The following ADCY5 variants were observed in gnomAD, a reference collection of about 807,000 sequenced individuals.
ADCY5 encodes adenylate cyclase 5.
In ADCY5, 30 loss-of-function variants were observed where a neutral mutation model predicts 119.7. That is an observed-to-expected ratio of 0.25 (90% CI 0.19 to 0.34). The LOEUF (loss-of-function observed/expected upper bound fraction) is 0.34. Ranked by LOEUF, ADCY5 falls within the 10% of genes least tolerant of loss-of-function variation. ADCY5 has a pLI of 1.00. For missense variants in ADCY5, 1,324 were observed against 1,775.2 expected (o/e 0.75, Z 4.57); for synonymous variants, 753 against 762.2 (o/e 0.99, Z 0.20).
chr3:123,372,877 T>A lies in ADCY5; in HGVS notation c.1135-20296A>T, dbSNP rs77150018. ...AACGTGTGTCAACTGGTTTTTAAAA[T>A]TTTTTAAAAGAAGGCCACAGCTACA... On this transcript the variant is annotated intron_variant, in intron 1 of 20. Coordinates refer to ENST00000462833, the MANE Select transcript of ADCY5 (RefSeq NM_183357.3). Among the ~76,000 whole-genome samples the A allele has an allele frequency of 7.6e-3, 1,157 of 152,292 alleles. 17 individuals carry two copies. Among genetic ancestry groups the A allele is most frequent in the African/African-American group, 0.027 (1,106 of 41,558 alleles).
rs779214870 is a variant in ADCY5, at chr3:123,319,840, C to T, written c.2112-22G>A. ...GTTCCTGGGGAGCAGAAGGCACGGG[C>T]GTGAGACAGGCTGACCACAGGGGCA... On this transcript the variant is annotated intron_variant, in intron 9 of 20. Transcript: ENST00000462833. The T allele has an allele frequency of 6.8e-6, 11 of 1,608,984 alleles. No homozygotes were observed. In the African/African-American group the frequency reaches 8.0e-5, roughly 12 times the overall value.
Position 123,305,758 on chromosome 3 carries a change from G to A in ADCY5, c.2443-1575C>T, listed in dbSNP as rs991892618. On this transcript the variant is annotated intron_variant, in intron 12 of 20. Transcript: ENST00000462833. ...GTCTTGGGCTTGGGGCTGGCTGTGTGCATAGGGAGGGTGTATATCTTTCTG... is the reference window on the plus strand; with the variant it reads ...GTCTTGGGCTTGGGGCTGGCTGTGTACATAGGGAGGGTGTATATCTTTCTG... Among the ~76,000 whole-genome samples, 3 of 152,218 alleles carry A rather than the reference G, an allele frequency of 2.0e-5. No individual in the cohort carries two copies. In the South Asian group the frequency reaches 6.2e-4, roughly 32 times the overall value.
chr3:123,418,161 C>T (rs1389630065), intron 1 of ADCY5, among the ~76,000 whole-genome samples: 1 of 152,210 alleles, frequency 6.6e-6, no homozygotes, highest in African/African-American at 2.4e-5. Context: ...CAGATCCCAC[C>T]TTACCACCTG....
intron 1 of ADCY5, among the ~76,000 whole-genome samples, chr3:123,439,441 A>G (rs1945685594): frequency 6.6e-6 from 1 of 152,164 alleles, no homozygotes; most frequent in Non-Finnish European, 1.5e-5. Flanking sequence ...TGAGGTTGCT[A>G]AGATCTACGG....
chr3:123,284,579 GGCT>G lies in ADCY5; in HGVS notation c.*26_*28del. ...GCTGCTTCCATGCCTCTGGAGGCCA[GGCT>G]GCCTGGCACCATTGGCCAACAGCTG... On this transcript the variant is annotated 3_prime_UTR_variant, in exon 21 of 21. Transcript: ENST00000462833. 1 of 1,613,354 alleles carries G rather than the reference GGCT, an allele frequency of 6.2e-7. No individual in the cohort carries two copies. Among genetic ancestry groups the G allele is most frequent in the Non-Finnish European group, 8.5e-7 (1 of 1,179,398 alleles).
At chr3:123,398,959 C>T (rs1944680495) in intron 1 of ADCY5, among the ~76,000 whole-genome samples, 3 of 152,166 alleles carry the variant, frequency 2.0e-5, no homozygotes, top group Admixed American at 1.3e-4. Flanking sequence ...TCGAGAATCC[C>T]CTGTTGGACT....
In ADCY5 at chr3:123,304,140, C is replaced by T. The variant is rs755917322; in HGVS notation, c.2486G>A (p.Arg829Gln). The stretch of plus-strand genomic sequence containing the variant: ...AACCAGGGTGCTGTTCATCTTGGAC[C>T]GCACGATCTTCCTGGAGAGGGTCTG... ...PLQTLSRKIV[R>Q]SKMNSTLVGV... Residue 829 changes from arginine to glutamine, a missense_variant, in exon 13 of 21, where the codon CGG (arginine) becomes CAG (glutamine). By Grantham distance (43) the Arg-to-Gln change is conservative. Around this residue, in one of 6 missense-constraint regions of ADCY5, gnomAD observed 424 missense variants for 546.8 expected, o/e 0.78. Transcript: ENST00000462833. 5.9e-5 allele frequency: 95 copies of T among 1,605,902 alleles called. No homozygotes were observed. The highest frequency in any genetic ancestry group is 5.6e-4 in the East Asian group (25 of 44,340).
At chr3:123,296,358 T>G (rs1576534069) in intron 16 of ADCY5, 142 bp from the exon 17 acceptor site, 2 of 1,014,330 alleles carry the variant, frequency 2.0e-6, no homozygotes, top group Non-Finnish European at 2.8e-6. Flanking sequence ...GCTCAAACTT[T>G]GCCGCACGCG....
rs1235480435 is a variant in ADCY5, at chr3:123,283,818, CAAAAT to C, written c.*785_*789del. 6.6e-6 allele frequency: 1 copy of C among 152,074 alleles called. No homozygotes were observed. The highest frequency in any genetic ancestry group is 1.5e-5 in the Non-Finnish European group (1 of 68,016). The allele number at this position is 152,074 out of a possible 1,614,324, so 9.4% of individuals were successfully genotyped here. A position where few individuals can be genotyped will look rare whatever the true frequency, so the allele number is the denominator to read the frequency against. On this transcript the variant is annotated 3_prime_UTR_variant, in exon 21 of 21. Coordinates refer to ENST00000462833, the MANE Select transcript of ADCY5 (RefSeq NM_183357.3). ...GAGATCTCCAAGGCTTTCAATAATA[CAAAAT>C]AAAAAATACAAAAAAGACAAGTGGG... is the stretch of plus-strand genomic sequence containing the variant.
chr3:123,289,401 G>A (rs1179135212), intron 19 of ADCY5, among the ~76,000 whole-genome samples: 3 of 152,204 alleles, frequency 2.0e-5, no homozygotes, highest in East Asian at 1.9e-4. Flanking sequence ...CCATGCCCTC[G>A]GCACAGAGCA....
intron 1 of ADCY5, among the ~76,000 whole-genome samples, chr3:123,378,701 G>A (rs1164352904): frequency 6.6e-6 from 1 of 152,220 alleles, no homozygotes; most frequent in Non-Finnish European, 1.5e-5. Context: ...CAGAGATGTG[G>A]AAGGACTGGC....
intron 1 of ADCY5, among the ~76,000 whole-genome samples, chr3:123,370,859 C>T (rs559830436): frequency 2.0e-5 from 3 of 152,160 alleles, no homozygotes; most frequent in African/African-American, 4.8e-5. Flanking sequence ...CTTCCCACCA[C>T]GTGCTCTGGG....
At chr3:123,322,551 C>G (rs1474689688) in intron 8 of ADCY5, among the ~76,000 whole-genome samples, 1 of 152,138 alleles carries the variant, frequency 6.6e-6, no homozygotes, top group Non-Finnish European at 1.5e-5. Context: ...TAAAACACAA[C>G]AGAGCCGACT....
chr3:123,303,048 C>T lies in ADCY5; in HGVS notation c.2724+7G>A, dbSNP rs998690507. 2 of 1,613,254 alleles carry T rather than the reference C, an allele frequency of 1.2e-6. No individual in the cohort carries two copies. Among genetic ancestry groups the T allele is most frequent in the South Asian group, 1.1e-5 (1 of 90,974 alleles). On this transcript the variant is annotated splice_region_variant and intron_variant, in intron 14 of 20. Coordinates refer to ENST00000462833, the MANE Select transcript of ADCY5 (RefSeq NM_183357.3). ...GCACTCCCTTCCAGCCCCTGTGCAC[C>T]CAGTACCTCGGGGAAGTTGCAGTTG...
intron 1 of ADCY5, among the ~76,000 whole-genome samples, chr3:123,434,256 C>G (rs1945569235): frequency 6.6e-6 from 1 of 152,306 alleles, no homozygotes; most frequent in South Asian, 2.1e-4. Flanking sequence ...CCTCTCGGAG[C>G]CTCTTATTTC....
intron 1 of ADCY5, among the ~76,000 whole-genome samples, chr3:123,391,114 C>A (rs1944389890): frequency 6.6e-6 from 1 of 152,220 alleles, no homozygotes; most frequent in South Asian, 2.1e-4. Context: ...CCCAAACAGA[C>A]TGACCAGGGG....
chr3:123,297,405 C>A, intron 15 of ADCY5, 23 bp from the exon 16 acceptor site: 2 of 1,613,458 alleles, frequency 1.2e-6, no homozygotes, highest in Non-Finnish European at 1.7e-6. Flanking sequence ...TTGGGGAAGA[C>A]TGGTCAGGGC....
intron 19 of ADCY5, among the ~76,000 whole-genome samples, chr3:123,287,970 G>A (rs1340066397): frequency 6.6e-6 from 1 of 152,228 alleles, no homozygotes; most frequent in Non-Finnish European, 1.5e-5. Flanking sequence ...ACCAAAGCAG[G>A]TGGACGAGAT....
intron 1 of ADCY5, among the ~76,000 whole-genome samples, chr3:123,364,396 A>G (rs1943361206): frequency 6.6e-6 from 1 of 152,206 alleles, no homozygotes. Flanking sequence ...ATGTCTGGGC[A>G]GTGGGGACTA....
Sources: gnomAD v4.1 joint callset for allele counts (sites outside exome capture counted in the v4.1 genomes callset) on GRCh38, gnomAD v4.1.1 for gene constraint, gnomAD v4.1.1 regional missense constraint, MANE v1.5 for transcripts, NCBI Gene and HGNC (gene_info 2026-07-23, HGNC 2026-07-21) for gene names.